Variants in PCDHGA3 observed in about 807,000 individuals in gnomAD.
PCDHGA3 encodes protocadherin gamma subfamily A, 3.
PCDHGA3 carries 40 observed loss-of-function variants against 58.5 expected under a neutral mutation model. The ratio of observed to expected loss-of-function variants is 0.68; its 90% CI spans 0.53 to 0.89. The LOEUF (loss-of-function observed/expected upper bound fraction) is 0.89, where lower values mean the gene tolerates loss of function less well. Ranked by LOEUF, PCDHGA3 falls within the 40% of genes least tolerant of loss-of-function variation. The pLI is 0.00. For synonymous variants in PCDHGA3, 530 were observed against 525.7 expected, an observed-to-expected ratio of 1.01 and a Z score of -0.11; for missense variants, 1,223 against 1,195.9, an observed-to-expected ratio of 1.02 and a Z score of -0.33.
Position 141,344,944 on chromosome 5 carries a change from T to TA in PCDHGA3, c.916dup (p.Ser306LysfsTer5), listed in dbSNP as rs1404421152. On this transcript the variant is annotated frameshift_variant, in exon 1 of 4. Coordinates refer to ENST00000253812, the MANE Select transcript of PCDHGA3 (RefSeq NM_018916.4). LOFTEE classifies it high-confidence loss of function. ...TCAGTGAGTGGAGAAGTATCAATAT[T>TA]AAAAAGTCTAGATTATGAGGATGCC... 1 of 1,613,856 alleles carries TA rather than the reference T, an allele frequency of 6.2e-7. No individual in the cohort carries two copies. The highest frequency in any genetic ancestry group is 2.2e-5 in the East Asian group (1 of 44,874).
rs1757441857 is a variant in PCDHGA3, at chr5:141,344,590, C to T, written c.557C>T (p.Ser186Phe). 1.2e-6 allele frequency: 2 copies of T among 1,613,880 alleles called. No homozygotes were observed. The highest frequency in any genetic ancestry group is 8.5e-7 in the Non-Finnish European group (1 of 1,179,898). Residue 186 changes from serine to phenylalanine, a missense_variant, in exon 1 of 4, where the codon TCT becomes TTT. Around this residue, in one of 3 missense-constraint regions of PCDHGA3, gnomAD observed 791 missense variants for 708.5 expected, o/e 1.12. Transcript: ENST00000253812. The part of the protein sequence containing the change: ...DYFSLAVNSV[S>F]EGAKYPELVL... ...TTCTCTCTGGCTGTGAATAGCGTCT[C>T]TGAGGGGGCCAAGTATCCAGAGCTG...
intron 1 of PCDHGA3, among the ~76,000 whole-genome samples, chr5:141,448,476 G>A (rs1002358317): frequency 1.3e-5 from 2 of 151,976 alleles, no homozygotes; most frequent in African/African-American, 4.8e-5. Flanking sequence ...TTCCACCCTT[G>A]CTTCCTCCTG....
At chr5:141,420,214 C>G (rs1356792048) in intron 1 of PCDHGA3, 1 of 1,611,064 alleles carries the variant, frequency 6.2e-7, no homozygotes, top group Admixed American at 1.7e-5. Context: ...ACAAAGATAG[C>G]ATGCTACTGG....
At chr5:141,455,903 ATTTATTT>A (rs2098836354) in intron 1 of PCDHGA3, among the ~76,000 whole-genome samples, 1 of 145,228 alleles carries the variant, frequency 6.9e-6, no homozygotes, top group African/African-American at 2.7e-5. Context: ...TTATTTATTT[ATTTATTT>A]ATTTTGAGAC....
rs2099399818 is a variant in PCDHGA3, at chr5:141,476,845, C to G, written c.2425-17962C>G. 6.2e-7 allele frequency: 1 copy of G among 1,613,794 alleles called. No individual in the cohort carries two copies. Among genetic ancestry groups the G allele is most frequent in the African/African-American group, 1.3e-5 (1 of 75,078 alleles). ...TGGACGCGAATGACAATGCGCCTGTCTTCAACCAGTCCTTGTACCGGGCGC... is the reference window on the plus strand; with the variant it reads ...TGGACGCGAATGACAATGCGCCTGTGTTCAACCAGTCCTTGTACCGGGCGC... On this transcript the variant is annotated intron_variant, in intron 1 of 3. Transcript: ENST00000253812. This position sits in a 1 kb window ranked among gnomAD's most constrained non-coding sequence, Gnocchi z 7.6.
intron 1 of PCDHGA3, among the ~76,000 whole-genome samples, chr5:141,363,429 T>C (rs1762921344): frequency 6.6e-6 from 1 of 152,248 alleles, no homozygotes; most frequent in East Asian, 1.9e-4. Flanking sequence ...TGTCTCAACA[T>C]AGAAAGGTCA....
At chr5:141,404,520 A>C (rs1483361714) in intron 1 of PCDHGA3, 2 of 1,613,916 alleles carry the variant, frequency 1.2e-6, no homozygotes, top group Non-Finnish European at 1.7e-6. Context: ...TTTGACTATG[A>C]GCAGTTTAGA....
chr5:141,428,176 A>G (rs751446929), intron 1 of PCDHGA3: 21 of 1,507,402 alleles, frequency 1.4e-5, no homozygotes, highest in Non-Finnish European at 1.9e-5. Context: ...TGCGTGACGG[A>G]GGACAGCCGC....
At chr5:141,466,275 A>G (rs1163982252) in intron 1 of PCDHGA3, among the ~76,000 whole-genome samples, 1 of 152,112 alleles carries the variant, frequency 6.6e-6, no homozygotes. Context: ...AGCTCAAGCA[A>G]TCTTCCCACC....
intron 1 of PCDHGA3, chr5:141,418,921 T>A (rs897705216): frequency 1.9e-6 from 3 of 1,613,928 alleles, no homozygotes; most frequent in Admixed American, 3.3e-5. Context: ...CACTCTCTGA[T>A]CAGATTATGG....
In PCDHGA3 at chr5:141,476,789, T is replaced by A. The variant is rs762462741; in HGVS notation, c.2425-18018T>A. On this transcript the variant is annotated intron_variant, in intron 1 of 3. Coordinates refer to ENST00000253812, the MANE Select transcript of PCDHGA3 (RefSeq NM_018916.4). The surrounding 1 kb of genome is among the most constrained non-coding windows in gnomAD (Gnocchi z 7.6). ...GTTGGACGGAGGGACCCCAGCTCTCTCCGCCAGCCTGCCTATTCACATCAA... is the reference window on the plus strand; with the variant it reads ...GTTGGACGGAGGGACCCCAGCTCTCACCGCCAGCCTGCCTATTCACATCAA... 1.3e-5 allele frequency: 21 copies of A among 1,613,374 alleles called. No individual in the cohort carries two copies. Among genetic ancestry groups the A allele is most frequent in the Non-Finnish European group, 1.7e-5 (20 of 1,180,016 alleles).
intron 1 of PCDHGA3, among the ~76,000 whole-genome samples, chr5:141,425,257 G>A (rs746250240): frequency 6.6e-6 from 1 of 152,152 alleles, no homozygotes; most frequent in Non-Finnish European, 1.5e-5. Context: ...TGAGGTATTT[G>A]GCTGGGAAAA....
At chr5:141,498,793 T>C (rs2154592354) in intron 2 of PCDHGA3, among the ~76,000 whole-genome samples, 1 of 152,028 alleles carries the variant, frequency 6.6e-6, no homozygotes, top group Non-Finnish European at 1.5e-5. Context: ...ATTAGCCAGG[T>C]GTGGTGGTGC....
chr5:141,397,639 G>A (rs1391771739), intron 1 of PCDHGA3, among the ~76,000 whole-genome samples: 2 of 152,180 alleles, frequency 1.3e-5, no homozygotes, highest in Non-Finnish European at 2.9e-5. Context: ...AGAGTTCAAG[G>A]TATGTTTGCA....
intron 1 of PCDHGA3, chr5:141,419,684 G>A (rs1286646418): frequency 5.4e-5 from 87 of 1,612,770 alleles, no homozygotes; most frequent in Non-Finnish European, 7.3e-5. Flanking sequence ...CTACCACGTG[G>A]TGCAGGCCAG....
chr5:141,408,155 C>T (rs1355335396), intron 1 of PCDHGA3: 2 of 1,511,456 alleles, frequency 1.3e-6, no homozygotes, highest in Non-Finnish European at 1.8e-6. Flanking sequence ...GTAGAGTGCA[C>T]TTTCTCCAAC....
At chr5:141,371,925 A>G in intron 1 of PCDHGA3, 3 of 1,613,324 alleles carry the variant, frequency 1.9e-6, no homozygotes, top group East Asian at 4.5e-5. Flanking sequence ...GAGCGCGCGG[A>G]GCGGGGTGGT....
chr5:141,357,845 T>G, intron 1 of PCDHGA3: 1 of 621,436 alleles, frequency 1.6e-6, no homozygotes, highest in Admixed American at 3.4e-5. Flanking sequence ...AGTTGTAGTT[T>G]CAGCCAGAAT....
At chr5:141,355,142 C>A in intron 1 of PCDHGA3, 2 of 1,526,256 alleles carry the variant, frequency 1.3e-6, no homozygotes, top group Middle Eastern at 2.5e-4. Context: ...GATCCTGGGG[C>A]TCCTCAGGCC....
Sources: allele counts gnomAD v4.1 joint callset (sites outside exome capture counted in the v4.1 genomes callset), GRCh38; gene constraint gnomAD v4.1.1; regional missense constraint gnomAD v4.1.1; non-coding constraint Gnocchi (gnomAD v3.1); transcripts MANE v1.5; gene names NCBI Gene and HGNC (gene_info 2026-07-23, HGNC 2026-07-21).